DNAH7: variants seen among roughly 807,000 people sequenced by gnomAD.
The protein encoded by DNAH7 is dynein axonemal heavy chain 7.
Under a neutral mutation model 444.6 loss-of-function variants are expected in DNAH7, and 397 were observed. The observed-to-expected ratio is 0.89, with a 90% CI of 0.82 to 0.97. The LOEUF is 0.97. Ranked by LOEUF, DNAH7 falls within the 50% of genes least tolerant of loss-of-function variation. The pLI, the probability that DNAH7 is intolerant of heterozygous loss-of-function variation, is 0.00. For synonymous variants in DNAH7, 1,636 were observed against 1,624.4 expected, an observed-to-expected ratio of 1.01 and a Z score of -0.17; for missense variants, 4,902 against 4,800.8, an observed-to-expected ratio of 1.02 and a Z score of -0.62.
intron 31 of DNAH7, among the ~76,000 whole-genome samples, chr2:195,889,478 C>A (rs1315077013): frequency 6.6e-6 from 1 of 151,872 alleles, no homozygotes; most frequent in Non-Finnish European, 1.5e-5. Context: ...CCACACCCAG[C>A]TAAATTTTTT....
At chr2:195,842,245 A>C (rs966658553) in intron 47 of DNAH7, among the ~76,000 whole-genome samples, 1 of 152,106 alleles carries the variant, frequency 6.6e-6, no homozygotes, top group Non-Finnish European at 1.5e-5. Context: ...AATCTTTGAA[A>C]TTCTAATTAG....
chr2:195,969,360 A>G (rs1276501958), intron 17 of DNAH7, among the ~76,000 whole-genome samples: 1 of 152,266 alleles, frequency 6.6e-6, no homozygotes, highest in Non-Finnish European at 1.5e-5. Flanking sequence ...ATAGAGCATC[A>G]TAGTTAATCA....
At chr2:195,738,176 T>C (rs1374841430) in intron 64 of DNAH7, 49 bp from the exon 65 acceptor site, 1 of 1,525,712 alleles carries the variant, frequency 6.6e-7, no homozygotes, top group Non-Finnish European at 9.0e-7. Flanking sequence ...GTTTGTTAAA[T>C]GTACATGTGT....
chr2:195,789,638 C>T (rs1263394702), intron 57 of DNAH7, among the ~76,000 whole-genome samples: 1 of 151,928 alleles, frequency 6.6e-6, no homozygotes, highest in African/African-American at 2.4e-5. Context: ...TCTTGGTGAT[C>T]AGAATTAGTA....
chr2:195,793,490 T>C (rs1385250157), intron 57 of DNAH7, among the ~76,000 whole-genome samples: 1 of 152,128 alleles, frequency 6.6e-6, no homozygotes, highest in Non-Finnish European at 1.5e-5. Context: ...TACGCAGAAA[T>C]GCCATCATCA....
At position 196,048,367 on chromosome 2, in the gene DNAH7, G is replaced by T; in HGVS notation, c.179C>A (p.Ser60Ter). Reference sequence around the variant, plus strand: ...ATCCTGCTTTACACTCAAATGGAATGATGGAGCTGCCTGCTGCCAGTGGGG... The same window carrying T: ...ATCCTGCTTTACACTCAAATGGAATTATGGAGCTGCCTGCTGCCAGTGGGG... ...TKPHWQQAAPSFHLSVKQDDE... is the reference protein window; with the variant it reads ...TKPHWQQAAP Residue 60 changes from serine (S) to a stop codon, truncating the protein, a stop_gained, in exon 4 of 65, where the codon TCA becomes TAA. Coordinates refer to ENST00000312428, the MANE Select transcript of DNAH7 (RefSeq NM_018897.3). LOFTEE classifies it high-confidence loss of function. 6.2e-7 allele frequency: 1 copy of T among 1,614,024 alleles called. No individual in the cohort carries two copies. Among genetic ancestry groups the T allele is most frequent in the South Asian group, 1.1e-5 (1 of 91,062 alleles).
intron 27 of DNAH7, among the ~76,000 whole-genome samples, chr2:195,906,453 CTTTTT>C (rs397870111): frequency 3.5e-5 from 4 of 114,718 alleles, no homozygotes; most frequent in Admixed American, 9.1e-5. Flanking sequence ...TTCTTTCTTT[CTTTTT>C]TTTTTTTTTT....
Position 195,808,827 on chromosome 2 carries a change from T to C in DNAH7, c.9938A>G (p.Asp3313Gly). The change falls in exon 53 of 65, where the codon GAT becomes GGT. Residue 3313 changes from aspartate (D) to glycine (G), a missense_variant. Asp to Gly is a moderately conservative substitution (Grantham distance 94). Transcript: ENST00000312428. ...TGTACAAAGGTTGGCATAAGGATTATCCAGTCCAATGCCACCAGTTAGCAG... is the reference window on the plus strand; with the variant it reads ...TGTACAAAGGTTGGCATAAGGATTACCCAGTCCAATGCCACCAGTTAGCAG... Reference protein sequence around the residue: ...RFLLTGGIGLDNPYANLCTWL... With the variant: ...RFLLTGGIGLGNPYANLCTWL... 2 of 1,613,862 alleles carry C rather than the reference T, an allele frequency of 1.2e-6. No homozygotes were observed. The highest frequency in any genetic ancestry group is 1.3e-5 in the African/African-American group (1 of 75,036).
chr2:195,829,031 A>G (rs1006566551), intron 48 of DNAH7, among the ~76,000 whole-genome samples: 1 of 152,186 alleles, frequency 6.6e-6, no homozygotes, highest in Admixed American at 6.5e-5. Flanking sequence ...CTGTCAGAGA[A>G]AAAGAGCTGT....
intron 19 of DNAH7, among the ~76,000 whole-genome samples, chr2:195,937,357 T>C (rs1262439348): frequency 1.3e-5 from 2 of 152,122 alleles, no homozygotes; most frequent in East Asian, 1.9e-4. Flanking sequence ...AGGACTGAAG[T>C]TCAAGGTGTG....
intron 48 of DNAH7, among the ~76,000 whole-genome samples, chr2:195,832,421 TGTTTTTG>T (rs1236306029): frequency 1.3e-5 from 2 of 152,048 alleles, no homozygotes; most frequent in Non-Finnish European, 2.9e-5. Context: ...TTTTGGGTTC[TGTTTTTG>T]GTTTTTTCTT....
At chr2:195,780,475 G>C (rs574530981) in intron 58 of DNAH7, among the ~76,000 whole-genome samples, 1 of 152,062 alleles carries the variant, frequency 6.6e-6, no homozygotes, top group Non-Finnish European at 1.5e-5. Context: ...TAGGCCAGGC[G>C]CGGTGGCTCA....
chr2:195,946,793 GA>G (rs1407754771), intron 19 of DNAH7, among the ~76,000 whole-genome samples: 1 of 152,052 alleles, frequency 6.6e-6, no homozygotes, highest in Non-Finnish European at 1.5e-5. Context: ...GAGAGAAGTA[GA>G]GTGGGAGAGT....
At chr2:195,957,088 T>C in intron 19 of DNAH7, among the ~76,000 whole-genome samples, 173 bp downstream of exon 19, 1 of 152,324 alleles carries the variant, frequency 6.6e-6, no homozygotes, top group East Asian at 1.9e-4. Context: ...ATACCTACTT[T>C]TGCTTGCGAC....
intron 1 of DNAH7, among the ~76,000 whole-genome samples, chr2:196,060,627 G>GA (rs1218761517): frequency 1.3e-5 from 2 of 152,156 alleles, no homozygotes; most frequent in African/African-American, 4.8e-5. Context: ...AATCCCATCA[G>GA]AAAAAGTATC....
At chr2:196,031,716 A>G (rs972187486) in intron 5 of DNAH7, among the ~76,000 whole-genome samples, 2 of 152,140 alleles carry the variant, frequency 1.3e-5, no homozygotes, top group Non-Finnish European at 2.9e-5. Flanking sequence ...ACATAACAAG[A>G]GTCACTTTTG....
intron 15 of DNAH7, among the ~76,000 whole-genome samples, chr2:195,977,638 C>T (rs114842538): frequency 6.6e-6 from 1 of 152,016 alleles, no homozygotes; most frequent in Non-Finnish European, 1.5e-5. Context: ...TATTTCGGTA[C>T]AAGAAGGTTT....
intron 36 of DNAH7, among the ~76,000 whole-genome samples, chr2:195,881,568 T>TA (rs1294499085): frequency 6.6e-6 from 1 of 152,160 alleles, no homozygotes; most frequent in East Asian, 1.9e-4. Context: ...TTTAATGGTA[T>TA]AAAATGGCAA....
intron 64 of DNAH7, 107 bp from the exon 65 acceptor site, chr2:195,738,234 C>T: frequency 1.1e-6 from 1 of 941,582 alleles, no homozygotes; most frequent in Non-Finnish European, 1.6e-6. Flanking sequence ...ATGCAGATTT[C>T]TGTGGCCCAA....
Sources: allele counts gnomAD v4.1 joint callset (sites outside exome capture counted in the v4.1 genomes callset), GRCh38; gene constraint gnomAD v4.1.1; transcripts MANE v1.5; gene names NCBI Gene and HGNC (gene_info 2026-07-23, HGNC 2026-07-21).